Variants in CACNA1D observed in about 807,000 individuals in gnomAD.
CACNA1D encodes the protein calcium voltage-gated channel subunit alpha1 D, also known as voltage-dependent L-type calcium channel subunit alpha-1D.
Under a neutral mutation model 257.1 loss-of-function variants are expected in CACNA1D, and 55 were observed. That is an observed-to-expected ratio of 0.21 (90% CI 0.17 to 0.27). CACNA1D has a LOEUF of 0.27. Among genes scored for constraint, CACNA1D ranks in the 10% least tolerant of loss-of-function variants. CACNA1D has a pLI of 1.00. For synonymous variants in CACNA1D, 980 were observed against 1,014.9 expected (o/e 0.97, Z 0.65); for missense variants, 1,876 against 2,784.0 (o/e 0.67, Z 7.34).
chr3:53,680,445 G>A (rs1028880700), intron 8 of CACNA1D, among the ~76,000 whole-genome samples: 3 of 152,054 alleles, frequency 2.0e-5, no homozygotes, highest in African/African-American at 7.2e-5. Flanking sequence ...CAGATGGAGA[G>A]CTGTGTGCTG....
intron 3 of CACNA1D, among the ~76,000 whole-genome samples, chr3:53,593,563 G>A (rs1317019426): frequency 6.6e-6 from 1 of 152,140 alleles, no homozygotes; most frequent in Non-Finnish European, 1.5e-5. Context: ...TGGGAGTGTT[G>A]GTTGATTGTA....
At chr3:53,713,853 G>A (rs1253728123) in intron 9 of CACNA1D, among the ~76,000 whole-genome samples, 4 of 152,296 alleles carry the variant, frequency 2.6e-5, no homozygotes, top group East Asian at 1.9e-4. Flanking sequence ...ATGCAGGGCT[G>A]CTGTCTGCCA....
In CACNA1D at chr3:53,736,937, G is replaced by GTGGC. The variant is rs571000773; in HGVS notation, c.2751+1436_2751+1439dup. ...AACTCTAGATTTTGGTGTGGCAGAG[G>GTGGC]TGGCTATCCAGTTAGCCCTCTGTAT... On this transcript the variant is annotated intron_variant, in intron 20 of 47. Coordinates refer to ENST00000350061, the MANE Select transcript of CACNA1D (RefSeq NM_001128840.3). Among the ~76,000 whole-genome samples the GTGGC allele has an allele frequency of 1.9e-3, 291 of 151,812 alleles. 6 individuals are homozygous for GTGGC. The South Asian group carries it at 0.05, about 26-fold the overall frequency.
At chr3:53,694,471 A>G (rs994306874) in intron 8 of CACNA1D, among the ~76,000 whole-genome samples, 10 of 152,166 alleles carry the variant, frequency 6.6e-5, no homozygotes, top group Non-Finnish European at 1.3e-4. Flanking sequence ...CCCGTGAGCC[A>G]CAGCCCCACG....
intron 9 of CACNA1D, among the ~76,000 whole-genome samples, chr3:53,709,087 G>C (rs2094722652): frequency 3.9e-5 from 6 of 152,202 alleles, no homozygotes; most frequent in Admixed American, 3.3e-4. Context: ...AGCAGGAATA[G>C]GGTCTGTTTC....
At chr3:53,799,651 G>A (rs946163473) in intron 40 of CACNA1D, among the ~76,000 whole-genome samples, 3 of 152,216 alleles carry the variant, frequency 2.0e-5, no homozygotes, top group Non-Finnish European at 2.9e-5. Context: ...TGGCCGGGTC[G>A]GTGTGCGTGT....
At chr3:53,697,556 A>G (rs187711441) in intron 8 of CACNA1D, among the ~76,000 whole-genome samples, 1 of 152,114 alleles carries the variant, frequency 6.6e-6, no homozygotes. Flanking sequence ...AAGCATTCAA[A>G]TTTTTTTCTA....
chr3:53,787,352 G>A (rs1325249927), intron 40 of CACNA1D, among the ~76,000 whole-genome samples: 4 of 151,888 alleles, frequency 2.6e-5, no homozygotes, highest in East Asian at 1.9e-4. Flanking sequence ...TTTTGTTTCC[G>A]TTTGTTTCTT....
intron 15 of CACNA1D, among the ~76,000 whole-genome samples, chr3:53,728,004 C>G (rs887427605): frequency 1.3e-5 from 2 of 152,160 alleles, no homozygotes; most frequent in African/African-American, 4.8e-5. Context: ...GGCTCTAAGG[C>G]CCCCTCCACA....
chr3:53,798,030 C>T (rs2095515653), intron 40 of CACNA1D: 1 of 152,200 alleles, frequency 6.6e-6, no homozygotes, highest in Admixed American at 6.5e-5. Flanking sequence ...GATCCAAAAT[C>T]AGAAGTGAAC....
At chr3:53,604,706 C>A (rs942504621) in intron 3 of CACNA1D, among the ~76,000 whole-genome samples, 37 of 152,326 alleles carry the variant, frequency 2.4e-4, no homozygotes, top group African/African-American at 8.9e-4. Context: ...GCTGTACATA[C>A]TTACAGAAGC....
chr3:53,618,204 T>G (rs1384973595), intron 3 of CACNA1D, among the ~76,000 whole-genome samples: 1 of 152,172 alleles, frequency 6.6e-6, no homozygotes, highest in Non-Finnish European at 1.5e-5. Flanking sequence ...ACCTCAGTTG[T>G]GCTTTTGGAG....
chr3:53,725,350 C>T (rs1018821623), intron 14 of CACNA1D, among the ~76,000 whole-genome samples: 9 of 152,094 alleles, frequency 5.9e-5, no homozygotes, highest in Admixed American at 3.9e-4. Context: ...ATGACCAGTC[C>T]CTTGCTGACA....
intron 8 of CACNA1D, among the ~76,000 whole-genome samples, chr3:53,695,146 A>T (rs893672136): frequency 6.6e-6 from 1 of 152,184 alleles, no homozygotes; most frequent in African/African-American, 2.4e-5. Context: ...GCAACAAAAA[A>T]TGGACTAAGT....
chr3:53,642,662 G>A (rs561188426), intron 3 of CACNA1D, among the ~76,000 whole-genome samples: 5 of 152,374 alleles, frequency 3.3e-5, no homozygotes, highest in East Asian at 3.9e-4. Flanking sequence ...CCCACAGACC[G>A]CATGTCCTTG....
rs137908021 is a variant in CACNA1D, at chr3:53,570,686, G to A, written c.483+68966G>A. 4.0e-3 allele frequency among the ~76,000 whole-genome samples: 610 copies of A among 152,238 alleles called. 7 individuals are homozygous for A. Among genetic ancestry groups the A allele is most frequent in the African/African-American group, 0.014 (564 of 41,532 alleles). ...CACATCCGTGTGTGCCCAAACATAC[G>A]GACTCTCTCACACTGTTAAATAATG... On this transcript the variant is annotated intron_variant, in intron 3 of 47. Coordinates refer to ENST00000350061, the MANE Select transcript of CACNA1D (RefSeq NM_001128840.3).
chr3:53,573,281 G>A (rs751473162), intron 3 of CACNA1D, among the ~76,000 whole-genome samples: 2 of 152,146 alleles, frequency 1.3e-5, no homozygotes, highest in Non-Finnish European at 2.9e-5. Flanking sequence ...CACCCCCGTA[G>A]GAGCGTCCTT....
In CACNA1D at chr3:53,746,918, C is replaced by T. The variant is rs143723903; in HGVS notation, c.3168-384C>T. Among the ~76,000 whole-genome samples the T allele has an allele frequency of 1.5e-3, 228 of 152,176 alleles. 2 individuals carry two copies. The highest frequency in any genetic ancestry group is 5.3e-3 in the African/African-American group (220 of 41,510). ...AAAACTAAAATGCAGGAAGAGTATA[C>T]GTGGGTTCGTTTCCTAGAGCCTACA... On this transcript the variant is annotated intron_variant, in intron 25 of 47. Transcript: ENST00000350061.
rs573405311 is a variant in CACNA1D, at chr3:53,574,614, C to T, written c.483+72894C>T. On this transcript the variant is annotated intron_variant, in intron 3 of 47. Transcript: ENST00000350061. ...GAGAAGTCCATCCTTGCGAGCACTT[C>T]GCCATCACAGGCCCTTCCCTTGGGG... Among the ~76,000 whole-genome samples, 13 of 152,272 alleles carry T rather than the reference C, an allele frequency of 8.5e-5. No homozygotes were observed. The South Asian group carries it at 1.2e-3, about 15-fold the overall frequency.
Sources: allele counts gnomAD v4.1 joint callset (sites outside exome capture counted in the v4.1 genomes callset), GRCh38; gene constraint gnomAD v4.1.1; transcripts MANE v1.5; gene names NCBI Gene and HGNC (gene_info 2026-07-23, HGNC 2026-07-21).